The following SUZ12 variants were observed in gnomAD, a reference collection of about 807,000 sequenced individuals.
The protein encoded by SUZ12 is SUZ12 polycomb repressive complex 2 subunit.
Under a neutral mutation model 87.3 loss-of-function variants are expected in SUZ12, and 17 were observed. That is an observed-to-expected ratio of 0.19 (90% CI 0.13 to 0.29). The LOEUF (loss-of-function observed/expected upper bound fraction) is 0.29, where lower values mean the gene tolerates loss of function less well. Among genes scored for constraint, SUZ12 ranks in the 10% least tolerant of loss-of-function variants. The pLI is 1.00. For synonymous variants in SUZ12, 253 were observed against 312.4 expected, an observed-to-expected ratio of 0.81 and a Z score of 2.01; for missense variants, 526 against 912.2, an observed-to-expected ratio of 0.58 and a Z score of 5.45.
intron 4 of SUZ12, chr17:31,964,013 A>G (rs906246835): frequency 9.9e-5 from 15 of 152,056 alleles, no homozygotes; most frequent in African/African-American, 3.4e-4. Flanking sequence ...TACTGATAGC[A>G]TACTTTTTTG....
intron 6 of SUZ12, 51 bp from the exon 7 acceptor site, chr17:31,975,431 C>T (rs1459663588): frequency 7.9e-7 from 1 of 1,261,338 alleles, no homozygotes. Context: ...TATTATAATT[C>T]TTATTGCTTA....
intron 4 of SUZ12, among the ~76,000 whole-genome samples, chr17:31,963,199 C>T (rs1346529114): frequency 6.6e-6 from 1 of 152,202 alleles, no homozygotes; most frequent in Non-Finnish European, 1.5e-5. Context: ...GGCTGGAGTG[C>T]AGTGGCACAA....
At chr17:31,994,158 T>A in intron 12 of SUZ12, 150 bp downstream of exon 12, 1 of 746,168 alleles carries the variant, frequency 1.3e-6, no homozygotes, top group Non-Finnish European at 2.0e-6. Context: ...TCAAAAATTG[T>A]ACTTTGTATA....
chr17:31,997,310 CGTA>C (rs2142220009), intron 15 of SUZ12, among the ~76,000 whole-genome samples: 1 of 152,258 alleles, frequency 6.6e-6, no homozygotes, highest in Non-Finnish European at 1.5e-5. Flanking sequence ...TCCTAACTCT[CGTA>C]GTAGTGTTTC....
At chr17:31,966,292 TAAG>T (rs1336064544) in intron 5 of SUZ12, 96 bp downstream of exon 5, 12 of 1,023,764 alleles carry the variant, frequency 1.2e-5, no homozygotes, top group Non-Finnish European at 1.7e-5. Context: ...TTTATAAAAT[TAAG>T]TTTAATGGAA....
chr17:31,977,584 C>G (rs183752055), intron 8 of SUZ12, among the ~76,000 whole-genome samples: 1 of 151,886 alleles, frequency 6.6e-6, no homozygotes, highest in East Asian at 2.0e-4. Flanking sequence ...AGGCGAGACC[C>G]CATCTTTTTT....
intron 5 of SUZ12, 77 bp downstream of exon 5, chr17:31,966,273 G>A: frequency 6.6e-6 from 8 of 1,206,244 alleles, no homozygotes; most frequent in Non-Finnish European, 9.4e-6. Flanking sequence ...TGGGGCTTCT[G>A]AGTGTAAATT....
intron 6 of SUZ12, among the ~76,000 whole-genome samples, chr17:31,974,707 G>C (rs1296219249): frequency 6.6e-6 from 1 of 152,142 alleles, no homozygotes; most frequent in African/African-American, 2.4e-5. Flanking sequence ...AAGACCTGGG[G>C]GGGTGGGTGA....
chr17:31,955,746 T>C (rs946767122), intron 4 of SUZ12, among the ~76,000 whole-genome samples: 2 of 151,588 alleles, frequency 1.3e-5, no homozygotes, highest in African/African-American at 4.8e-5. Context: ...AGACTACATC[T>C]CAAAAAAACT....
intron 4 of SUZ12, among the ~76,000 whole-genome samples, chr17:31,954,866 C>T (rs1270665247): frequency 6.6e-6 from 1 of 152,158 alleles, no homozygotes; most frequent in Middle Eastern, 3.2e-3. Context: ...GTAGAAAGAG[C>T]AAGTCTCCTT....
At chr17:31,980,939 A>G (rs563539) in intron 8 of SUZ12, among the ~76,000 whole-genome samples, 27,589 of 151,698 alleles carry the variant, frequency 0.18, 3,088 homozygotes, top group African/African-American at 0.31. Flanking sequence ...GACCAAGGTG[A>G]GAGGATCTCT....
chr17:31,993,740 A>C lies in SUZ12; in HGVS notation c.1294-125A>C, dbSNP rs979215185. 3 of 1,038,452 alleles carry C rather than the reference A, an allele frequency of 2.9e-6. No homozygotes were observed. The African/African-American group carries it at 4.9e-5, about 17-fold the overall frequency. The allele number at this position is 1,038,452 out of a possible 1,614,324, so 64.3% of individuals were successfully genotyped here. ...TCGCGTCACTGGGCATATTTAATTAAAGAGAATATCTCTAATTTGATTTTC... is the reference window on the plus strand; with the variant it reads ...TCGCGTCACTGGGCATATTTAATTACAGAGAATATCTCTAATTTGATTTTC... On this transcript the variant is annotated intron_variant, in intron 11 of 15. Transcript: ENST00000322652.
chr17:31,991,154 T>A (rs1309615079), intron 10 of SUZ12, among the ~76,000 whole-genome samples: 2 of 152,152 alleles, frequency 1.3e-5, no homozygotes, highest in Non-Finnish European at 2.9e-5. Flanking sequence ...GCGTAAGTTG[T>A]CCTCCTTGAC....
At chr17:31,988,522 A>T in intron 10 of SUZ12, 25 bp downstream of exon 10, 1 of 1,574,148 alleles carries the variant, frequency 6.4e-7, no homozygotes, top group Non-Finnish European at 8.6e-7. Flanking sequence ...CAATCAAAAT[A>T]ATAAAATAAT....
chr17:31,959,798 G>A (rs531175578), intron 4 of SUZ12, among the ~76,000 whole-genome samples: 2 of 152,304 alleles, frequency 1.3e-5, no homozygotes, highest in East Asian at 3.9e-4. Flanking sequence ...AGTCTCTTAT[G>A]AATTAGCTTA....
Position 32,000,354 on chromosome 17 carries a change from T to C in SUZ12, c.*1351T>C, listed in dbSNP as rs370370499. 2 of 232,722 alleles carry C rather than the reference T, an allele frequency of 8.6e-6. No individual in the cohort carries two copies. Among genetic ancestry groups the C allele is most frequent in the Non-Finnish European group, 1.7e-5 (2 of 117,798 alleles). The allele number at this position is 232,722 out of a possible 1,614,324, so 14.4% of individuals were successfully genotyped here. A position where few individuals can be genotyped will look rare whatever the true frequency, so the allele number is the denominator to read the frequency against. ...ATGGTGTCTTCAGAAATTTATAAAA[T>C]GTAAATACTGATTTGACTGGTCTTT... On this transcript the variant is annotated 3_prime_UTR_variant, in exon 16 of 16. Transcript: ENST00000322652.
intron 1 of SUZ12, 96 bp downstream of exon 1, chr17:31,937,616 C>T (rs571401017): frequency 1.4e-6 from 2 of 1,479,588 alleles, no homozygotes; most frequent in East Asian, 2.6e-5. Flanking sequence ...CGGGAGTCCA[C>T]TTGTGTGGTA....
rs948325023 is a variant in SUZ12, at chr17:31,984,407, A to G, written c.1023+1303A>G. On this transcript the variant is annotated intron_variant, in intron 9 of 15. Transcript: ENST00000322652. ...TAAACATGTAAAAATGAACATTCATAAGCATGGAAAAAAAATAGGTGAATG... is the reference window on the plus strand; with the variant it reads ...TAAACATGTAAAAATGAACATTCATGAGCATGGAAAAAAAATAGGTGAATG... Among the ~76,000 whole-genome samples, 303 of 149,880 alleles carry G rather than the reference A, an allele frequency of 2.0e-3. 3 individuals are homozygous for G. Among genetic ancestry groups the G allele is most frequent in the Non-Finnish European group, 3.8e-4 (25 of 66,556 alleles).
At chr17:31,944,849 T>G (rs1414618749) in intron 3 of SUZ12, among the ~76,000 whole-genome samples, 4 of 152,046 alleles carry the variant, frequency 2.6e-5, no homozygotes, top group Non-Finnish European at 5.9e-5. Context: ...AAGTTTACAT[T>G]TAAAGGCGAG....
Sources: allele counts gnomAD v4.1 joint callset (sites outside exome capture counted in the v4.1 genomes callset), GRCh38; gene constraint gnomAD v4.1.1; transcripts MANE v1.5; gene names NCBI Gene and HGNC (gene_info 2026-07-23, HGNC 2026-07-21).